The following LAPTM4A variants were observed in gnomAD, a reference collection of about 807,000 sequenced individuals.
The protein encoded by LAPTM4A is lysosomal-associated transmembrane protein 4A.
LAPTM4A carries 19 observed loss-of-function variants against 29.9 expected under a neutral mutation model. The observed-to-expected ratio is 0.64, with a 90% CI of 0.44 to 0.93. The LOEUF (loss-of-function observed/expected upper bound fraction) is 0.93. Ranked by LOEUF, LAPTM4A falls within the 40% of genes least tolerant of loss-of-function variation. LAPTM4A has a pLI of 0.00. For missense variants in LAPTM4A, 293 were observed against 288.5 expected (o/e 1.02, Z -0.11); for synonymous variants, 105 against 102.1 (o/e 1.03, Z -0.17).
At chr2:20,051,310 C>A in intron 1 of LAPTM4A, 100 bp downstream of exon 1, 10 of 743,540 alleles carry the variant, frequency 1.3e-5, no homozygotes, top group Non-Finnish European at 1.7e-5. Context: ...CCCTCCAAGT[C>A]CCCGCCCCAC....
At chr2:20,045,464 T>TA (rs1673897369) in intron 1 of LAPTM4A, among the ~76,000 whole-genome samples, 1 of 136,576 alleles carries the variant, frequency 7.3e-6, no homozygotes, top group African/African-American at 3.1e-5. Flanking sequence ...CCCCATCTCT[T>TA]TAAAAAAAAA....
At chr2:20,040,781 C>T (rs1008519124) in intron 2 of LAPTM4A, 110 bp downstream of exon 2, 2 of 1,043,692 alleles carry the variant, frequency 1.9e-6, no homozygotes, top group Admixed American at 2.0e-5. Flanking sequence ...GTTCACACAA[C>T]AATATCACCC....
chr2:20,041,070 C>A (rs926553562), intron 1 of LAPTM4A, 59 bp from the exon 2 acceptor site: 9 of 1,546,234 alleles, frequency 5.8e-6, no homozygotes, highest in South Asian at 5.6e-5. Flanking sequence ...AATCTTAGCA[C>A]AATCTCTAGA....
chr2:20,041,548 G>T (rs909785448), intron 1 of LAPTM4A, among the ~76,000 whole-genome samples: 3 of 152,242 alleles, frequency 2.0e-5, no homozygotes, highest in Admixed American at 2.0e-4. Context: ...ATGTGTGCGT[G>T]TGTGTGATAT....
chr2:20,037,119 T>C (rs1446790129), intron 4 of LAPTM4A, among the ~76,000 whole-genome samples, 197 bp downstream of exon 4: 1 of 152,214 alleles, frequency 6.6e-6, no homozygotes, highest in Non-Finnish European at 1.5e-5. Context: ...ATTATCCAAA[T>C]GGATGGTAAG....
chr2:20,033,969 T>C (rs1240305419), intron 6 of LAPTM4A, among the ~76,000 whole-genome samples: 2 of 152,200 alleles, frequency 1.3e-5, no homozygotes, highest in African/African-American at 2.4e-5. Flanking sequence ...GGATGTTTTC[T>C]GAAAACAACA....
chr2:20,051,317 C>G, intron 1 of LAPTM4A, 93 bp downstream of exon 1: 1 of 769,540 alleles, frequency 1.3e-6, no homozygotes, highest in Non-Finnish European at 2.3e-6. Context: ...AGTCCCCGCC[C>G]CACCCAACAC....
intron 6 of LAPTM4A, 91 bp from the exon 7 acceptor site, chr2:20,033,370 G>A (rs559250522): frequency 2.0e-6 from 2 of 1,001,810 alleles, no homozygotes; most frequent in East Asian, 4.9e-5. Context: ...GCCCTAAATA[G>A]GGTTATACAA....
intron 1 of LAPTM4A, among the ~76,000 whole-genome samples, chr2:20,047,457 G>T (rs1467577051): frequency 2.7e-5 from 4 of 148,692 alleles, no homozygotes; most frequent in African/African-American, 7.4e-5. Context: ...TTGGGAGGCC[G>T]AGGCGGGTGG....
rs201988027 is a variant in LAPTM4A, at chr2:20,040,881, A to T, written c.232+10T>A. On this transcript the variant is annotated intron_variant, in intron 2 of 6. Coordinates refer to ENST00000175091, the MANE Select transcript of LAPTM4A (RefSeq NM_014713.5). ...GGGGAGATTTTTTTGTTTTTCTATT[A>T]AACACATACCAGCCATTCTCTCAGA... The T allele has an allele frequency of 6.2e-7, 1 of 1,612,712 alleles. No homozygotes were observed. The highest frequency in any genetic ancestry group is 1.7e-5 in the Admixed American group (1 of 59,870).
Position 20,042,228 on chromosome 2 carries a change from A to G in LAPTM4A, c.112-1217T>C, listed in dbSNP as rs566498316. Among the ~76,000 whole-genome samples the G allele has an allele frequency of 1.2e-3, 190 of 152,018 alleles. 1 individual carries two copies. The highest frequency in any genetic ancestry group is 4.4e-3 in the African/African-American group (181 of 41,462). On this transcript the variant is annotated intron_variant, in intron 1 of 6. Transcript: ENST00000175091. ...GATCCTCCTGCTTTAGCCTCCCAAC[A>G]TGCTGTGATTACAGGCATGAGCCAC... is the stretch of plus-strand genomic sequence containing the variant.
At chr2:20,040,241 T>G (rs1673766069) in intron 2 of LAPTM4A, among the ~76,000 whole-genome samples, 1 of 152,164 alleles carries the variant, frequency 6.6e-6, no homozygotes. Context: ...AAAAGTCTTA[T>G]GAAGCCTGCA....
intron 4 of LAPTM4A, among the ~76,000 whole-genome samples, chr2:20,035,483 T>A (rs1673660418): frequency 6.6e-6 from 1 of 152,214 alleles, no homozygotes; most frequent in African/African-American, 2.4e-5. Context: ...GGGAAAATTA[T>A]TTTTCTAAAT....
chr2:20,034,480 CA>C, intron 5 of LAPTM4A, 65 bp from the exon 6 acceptor site: 1 of 1,118,824 alleles, frequency 8.9e-7, no homozygotes, highest in Admixed American at 1.7e-5. Flanking sequence ...TCTAAAATGC[CA>C]GTGACTTAGA....
At chr2:20,034,231 T>A in intron 6 of LAPTM4A, 86 bp downstream of exon 6, 5 of 923,746 alleles carry the variant, frequency 5.4e-6, no homozygotes, top group Non-Finnish European at 9.1e-6. Flanking sequence ...GGTTACAGCA[T>A]GAAAGAGAAA....
At chr2:20,047,434 T>C (rs1351923255) in intron 1 of LAPTM4A, among the ~76,000 whole-genome samples, 1 of 147,896 alleles carries the variant, frequency 6.8e-6, no homozygotes, top group Non-Finnish European at 1.5e-5. Context: ...CTCACGCCTG[T>C]AATCCCAGCA....
At chr2:20,050,731 A>G (rs879330183) in intron 1 of LAPTM4A, among the ~76,000 whole-genome samples, 4 of 152,218 alleles carry the variant, frequency 2.6e-5, no homozygotes, top group Non-Finnish European at 5.9e-5. Context: ...GAGGGCTCTC[A>G]ATAAAGGTCT....
intron 1 of LAPTM4A, among the ~76,000 whole-genome samples, chr2:20,047,765 G>A (rs1351093961): frequency 6.6e-6 from 1 of 151,990 alleles, no homozygotes; most frequent in Non-Finnish European, 1.5e-5. Flanking sequence ...TCTGGACTTG[G>A]CAAAATGTTG....
chr2:20,051,617 C>A lies in LAPTM4A; in HGVS notation c.-97G>T, dbSNP rs949447948. The A allele has an allele frequency of 2.6e-6, 2 of 774,508 alleles. No homozygotes were observed. Among genetic ancestry groups the A allele is most frequent in the Non-Finnish European group, 4.2e-6 (2 of 471,086 alleles). 48.0% of individuals were successfully genotyped at this position (774,508 alleles called of 1,614,324 possible). A position where few individuals can be genotyped will look rare whatever the true frequency, so the allele number is the denominator to read the frequency against. ...CTGTTTCACGGCCTCCAAAACCCAACGACGCGTCTTCAAACCCGCCCCCGG... is the reference window on the plus strand; with the variant it reads ...CTGTTTCACGGCCTCCAAAACCCAAAGACGCGTCTTCAAACCCGCCCCCGG... On this transcript the variant is annotated 5_prime_UTR_variant, in exon 1 of 7. Transcript: ENST00000175091.
Sources: gnomAD v4.1 joint callset for allele counts (sites outside exome capture counted in the v4.1 genomes callset) on GRCh38, gnomAD v4.1.1 for gene constraint, MANE v1.5 for transcripts, NCBI Gene and HGNC (gene_info 2026-07-23, HGNC 2026-07-21) for gene names.